The following MRPS6 variants were observed in gnomAD, a reference collection of about 807,000 sequenced individuals.
MRPS6 encodes the protein small ribosomal subunit protein bS6m.
A neutral mutation model predicts 13.1 loss-of-function variants in MRPS6; 6 were observed. The ratio of observed to expected loss-of-function variants is 0.46; its 90% CI spans 0.25 to 0.91. MRPS6 has a LOEUF of 0.91. Ranked by LOEUF, MRPS6 falls within the 40% of genes least tolerant of loss-of-function variation. The pLI is 0.18. For synonymous variants in MRPS6, 61 were observed against 56.5 expected (o/e 1.08, Z -0.36); for missense variants, 164 against 155.6 (o/e 1.05, Z -0.29).
chr21:34,135,934 A>G (rs984427198), intron 2 of MRPS6: 20 of 436,208 alleles, frequency 4.6e-5, no homozygotes, highest in African/African-American at 3.9e-4. Context: ...CTTCACTGCA[A>G]TGGAATCCTG....
chr21:34,094,246 A>AAG (rs1358776603), intron 1 of MRPS6, among the ~76,000 whole-genome samples: 3 of 152,174 alleles, frequency 2.0e-5, no homozygotes, highest in Non-Finnish European at 4.4e-5. Context: ...GGCGTCTCAC[A>AAG]AGATCTAGGT....
chr21:34,109,108 A>G (rs1979597135), intron 1 of MRPS6, among the ~76,000 whole-genome samples: 1 of 152,152 alleles, frequency 6.6e-6, no homozygotes, highest in South Asian at 2.1e-4. Context: ...TTCAATTTTA[A>G]GAGCTCTTTT....
intron 2 of MRPS6, among the ~76,000 whole-genome samples, chr21:34,140,734 G>A (rs1022570326): frequency 3.3e-5 from 5 of 152,046 alleles, no homozygotes; most frequent in South Asian, 2.1e-4. Context: ...GTTGAAGCTC[G>A]GTTATCTGGT....
intron 1 of MRPS6, chr21:34,104,140 T>C (rs2148662510): frequency 1.0e-6 from 1 of 999,970 alleles, no homozygotes. Flanking sequence ...TTTCCTATAC[T>C]TGACTGTGCT....
chr21:34,085,894 G>T (rs951803005), intron 1 of MRPS6, among the ~76,000 whole-genome samples: 4 of 152,086 alleles, frequency 2.6e-5, no homozygotes, highest in African/African-American at 9.7e-5. Flanking sequence ...GAGCCACTGC[G>T]CCCGGCCAGA....
Position 34,096,125 on chromosome 21 carries a change from A to T in MRPS6, c.45+22380A>T. 6.2e-7 allele frequency: 1 copy of T among 1,614,118 alleles called. No homozygotes were observed. Among genetic ancestry groups the T allele is most frequent in the South Asian group, 1.1e-5 (1 of 91,070 alleles). On this transcript the variant is annotated intron_variant, in intron 1 of 2. Coordinates refer to ENST00000399312, the MANE Select transcript of MRPS6 (RefSeq NM_032476.4). The surrounding 1 kb of genome is among the most constrained non-coding windows in gnomAD (Gnocchi z 5.9). The stretch of plus-strand genomic sequence containing the variant: ...TGGCTGGCTTCTTAAAGCTCCTGCC[A>T]ATGTTTATCATAGTTGTCCCAGGAA...
chr21:34,075,944 C>G (rs1434209188), intron 1 of MRPS6, among the ~76,000 whole-genome samples: 1 of 152,228 alleles, frequency 6.6e-6, no homozygotes, highest in African/African-American at 2.4e-5. Flanking sequence ...AACCACAGTT[C>G]TAACCCGAGG....
At chr21:34,105,865 A>C in intron 1 of MRPS6, 1 of 993,752 alleles carries the variant, frequency 1.0e-6, no homozygotes, top group African/African-American at 1.7e-5. Flanking sequence ...GTACAGTTGA[A>C]ATTGTAGATT....
intron 1 of MRPS6, among the ~76,000 whole-genome samples, chr21:34,120,157 C>T (rs1035922816): frequency 5.3e-5 from 8 of 152,158 alleles, no homozygotes; most frequent in Non-Finnish European, 8.8e-5. Flanking sequence ...TCAAAACTGG[C>T]TTCACTGCAG....
At chr21:34,097,296 A>G (rs756837280) in intron 1 of MRPS6, 41 of 1,611,920 alleles carry the variant, frequency 2.5e-5, no homozygotes, top group Non-Finnish European at 3.1e-5. Context: ...AATACTAAAT[A>G]TTGGACTTTT....
At chr21:34,098,306 C>G in intron 1 of MRPS6, 1 of 1,000,010 alleles carries the variant, frequency 1.0e-6, no homozygotes. Context: ...TAGGTGGATC[C>G]AGTTGGAAGA....
At chr21:34,088,509 T>G (rs1277881139) in intron 1 of MRPS6, among the ~76,000 whole-genome samples, 1 of 152,284 alleles carries the variant, frequency 6.6e-6, no homozygotes, top group African/African-American at 2.4e-5. Flanking sequence ...AGTCTTACTT[T>G]GTTAACAGTT....
intron 1 of MRPS6, chr21:34,105,552 A>G: frequency 2.6e-5 from 26 of 999,768 alleles, no homozygotes; most frequent in Non-Finnish European, 3.1e-5. Flanking sequence ...TGTCCTGCTT[A>G]TGATGCTTTG....
intron 2 of MRPS6, among the ~76,000 whole-genome samples, chr21:34,139,384 G>A (rs1980828405): frequency 6.6e-6 from 1 of 152,090 alleles, no homozygotes; most frequent in South Asian, 2.1e-4. Flanking sequence ...TAATTCACCA[G>A]TGAAGTCATT....
intron 1 of MRPS6, among the ~76,000 whole-genome samples, chr21:34,109,370 T>C (rs915382767): frequency 3.9e-5 from 6 of 152,240 alleles, no homozygotes; most frequent in Non-Finnish European, 8.8e-5. Context: ...TCCTGCGATA[T>C]CTTTAGAATA....
chr21:34,078,277 C>T (rs974467192), intron 1 of MRPS6, among the ~76,000 whole-genome samples: 1 of 152,028 alleles, frequency 6.6e-6, no homozygotes, highest in African/African-American at 2.4e-5. Context: ...ACCCTGTGAA[C>T]AATGTTATAC....
At chr21:34,091,124 A>G (rs529006883) in intron 1 of MRPS6, among the ~76,000 whole-genome samples, 1 of 152,358 alleles carries the variant, frequency 6.6e-6, no homozygotes, top group South Asian at 2.1e-4. Flanking sequence ...AGCAGGGCTC[A>G]TCAAGCTTAC....
intron 1 of MRPS6, chr21:34,095,509 C>T: frequency 6.2e-7 from 1 of 1,614,028 alleles, no homozygotes; most frequent in Non-Finnish European, 8.5e-7. Context: ...TACATCCGGT[C>T]AGGGGTATAT....
intron 1 of MRPS6, chr21:34,105,475 G>A (rs889078309): frequency 1.0e-6 from 1 of 999,764 alleles, no homozygotes; most frequent in Non-Finnish European, 1.2e-6. Context: ...CTTTTATCTA[G>A]TAATTTTGAT....
Sources: allele counts gnomAD v4.1 joint callset (sites outside exome capture counted in the v4.1 genomes callset), GRCh38; gene constraint gnomAD v4.1.1; non-coding constraint Gnocchi (gnomAD v3.1); transcripts MANE v1.5; gene names NCBI Gene and HGNC (gene_info 2026-07-23, HGNC 2026-07-21).